Variants in ASAP1 observed in about 807,000 individuals in gnomAD.
ASAP1 encodes arf-GAP with SH3 domain, ANK repeat and PH domain-containing protein 1.
A neutral mutation model predicts 145.2 loss-of-function variants in ASAP1; 43 were observed. That is an observed-to-expected ratio of 0.30 (90% confidence interval 0.23 to 0.38). ASAP1 has a LOEUF of 0.38. ASAP1 is among the 10% of genes least tolerant of loss of function. The pLI is 1.00. For missense variants in ASAP1, 1,018 were observed against 1,355.3 expected, an observed-to-expected ratio of 0.75 and a Z score of 3.91; for synonymous variants, 546 against 515.5, an observed-to-expected ratio of 1.06 and a Z score of -0.80.
intron 25 of ASAP1, among the ~76,000 whole-genome samples, chr8:130,090,529 C>G (rs1265883678): frequency 3.3e-5 from 5 of 152,192 alleles, no homozygotes; most frequent in Non-Finnish European, 7.3e-5. Context: ...TCATTAACAC[C>G]AAACTCCAAT....
chr8:130,126,603 T>A (rs777657613), intron 16 of ASAP1, among the ~76,000 whole-genome samples: 2 of 152,158 alleles, frequency 1.3e-5, no homozygotes, highest in African/African-American at 2.4e-5. Context: ...CAACCTCCAA[T>A]GGCCCTAGAA....
intron 4 of ASAP1, among the ~76,000 whole-genome samples, chr8:130,232,605 G>C (rs987884421): frequency 6.6e-6 from 1 of 151,188 alleles, no homozygotes; most frequent in African/African-American, 2.4e-5. Flanking sequence ...CAAAGGGCTT[G>C]CATGGAGACA....
chr8:130,179,228 T>C (rs748242897), intron 9 of ASAP1, 36 bp downstream of exon 9: 20 of 1,315,262 alleles, frequency 1.5e-5, no homozygotes, highest in Admixed American at 3.5e-5. Flanking sequence ...GGGGCAGTAA[T>C]TGGGCTAATA....
intron 2 of ASAP1, among the ~76,000 whole-genome samples, chr8:130,378,954 T>C (rs770211006): frequency 4.6e-5 from 7 of 152,142 alleles, no homozygotes; most frequent in Non-Finnish European, 7.4e-5. Context: ...AAAAAATAGA[T>C]TTGGTCTTTG....
intron 24 of ASAP1, among the ~76,000 whole-genome samples, chr8:130,107,389 G>A (rs2097538777): frequency 6.6e-6 from 1 of 151,592 alleles, no homozygotes; most frequent in Admixed American, 6.6e-5. Flanking sequence ...GTTTTACCAT[G>A]TTAGCCAGGA....
intron 23 of ASAP1, 131 bp downstream of exon 23, chr8:130,115,497 A>C (rs2097553980): frequency 1.4e-6 from 1 of 730,196 alleles, no homozygotes; most frequent in Admixed American, 2.3e-5. Flanking sequence ...AGGACTGAAC[A>C]ACATAAATGG....
At chr8:130,381,030 T>C (rs2138387255) in intron 2 of ASAP1, among the ~76,000 whole-genome samples, 1 of 152,226 alleles carries the variant, frequency 6.6e-6, no homozygotes, top group Middle Eastern at 3.4e-3. Context: ...ACTACAGGTA[T>C]GCAATACCAC....
intron 1 of ASAP1, among the ~76,000 whole-genome samples, chr8:130,435,317 G>A (rs774681393): frequency 6.6e-6 from 1 of 152,150 alleles, no homozygotes; most frequent in African/African-American, 2.4e-5. Context: ...GTCAGCATGC[G>A]TATTCTTCAA....
intron 24 of ASAP1, among the ~76,000 whole-genome samples, chr8:130,106,371 A>C (rs1348226004): frequency 6.6e-6 from 1 of 152,204 alleles, no homozygotes; most frequent in Non-Finnish European, 1.5e-5. Flanking sequence ...TGCGAGTCTG[A>C]ATCATGCAGT....
chr8:130,297,932 G>A (rs892332012), intron 3 of ASAP1, among the ~76,000 whole-genome samples: 3 of 152,154 alleles, frequency 2.0e-5, no homozygotes, highest in Non-Finnish European at 4.4e-5. Context: ...TGGCCAGAGA[G>A]GCCATTGTCT....
intron 3 of ASAP1, among the ~76,000 whole-genome samples, chr8:130,356,665 T>C (rs1384276178): frequency 6.6e-6 from 1 of 152,204 alleles, no homozygotes; most frequent in East Asian, 1.9e-4. Flanking sequence ...GAGAGAACTC[T>C]GGAAGTATGC....
chr8:130,112,356 C>G, intron 23 of ASAP1, 34 bp from the exon 24 acceptor site: 1 of 1,590,452 alleles, frequency 6.3e-7, no homozygotes, highest in Non-Finnish European at 8.6e-7. Flanking sequence ...AGATAATAAT[C>G]AAGGACCACC....
intron 2 of ASAP1, among the ~76,000 whole-genome samples, chr8:130,384,755 G>A (rs1827935037): frequency 6.6e-6 from 1 of 152,174 alleles, no homozygotes; most frequent in East Asian, 1.9e-4. Flanking sequence ...TCTGGGGAAT[G>A]TTGGGCAAGT....
intron 4 of ASAP1, among the ~76,000 whole-genome samples, chr8:130,217,143 G>A (rs1195303582): frequency 6.6e-6 from 1 of 152,128 alleles, no homozygotes; most frequent in Non-Finnish European, 1.5e-5. Flanking sequence ...TGCATACCAC[G>A]TTCTCTTGGA....
chr8:130,275,825 CCAATG>C (rs1177719592), intron 3 of ASAP1, among the ~76,000 whole-genome samples: 4 of 152,078 alleles, frequency 2.6e-5, no homozygotes, highest in Non-Finnish European at 1.5e-5. Flanking sequence ...TTGTAACTCT[CCAATG>C]GAAAAGGCAT....
chr8:130,264,735 A>C (rs918699083), intron 3 of ASAP1, among the ~76,000 whole-genome samples: 1 of 152,178 alleles, frequency 6.6e-6, no homozygotes, highest in African/African-American at 2.4e-5. Flanking sequence ...GAAAGGGTGA[A>C]TCCTTCCCTT....
intron 1 of ASAP1, among the ~76,000 whole-genome samples, chr8:130,420,786 G>A (rs2138703808): frequency 6.6e-6 from 1 of 152,018 alleles, no homozygotes; most frequent in Non-Finnish European, 1.5e-5. Context: ...CCCACTACTT[G>A]GAAGGCTGAG....
At chr8:130,386,024 G>A (rs1827998852) in intron 2 of ASAP1, among the ~76,000 whole-genome samples, 1 of 152,168 alleles carries the variant, frequency 6.6e-6, no homozygotes, top group Admixed American at 6.5e-5. Flanking sequence ...CGTGACCCAA[G>A]ATAGACCAAC....
rs1424547139 is a variant in ASAP1 at position 130,358,430 on chromosome 8, G to C, written c.60-287C>G. On this transcript the variant is annotated intron_variant, in intron 2 of 29. Coordinates refer to ENST00000518721, the MANE Select transcript of ASAP1 (RefSeq NM_018482.4). This position sits in a 1 kb window ranked among gnomAD's most constrained non-coding sequence, Gnocchi z 4.1. The stretch of plus-strand genomic sequence containing the variant: ...CCCGCCTCCCTCTGCTCATGCCGGC[G>C]GCGGCAGCTCCTCAGCGGCGGGGGA... 6.7e-6 allele frequency among the ~76,000 whole-genome samples: 1 copy of C among 148,538 alleles called. No homozygotes were observed. Among genetic ancestry groups the C allele is most frequent in the African/African-American group, 2.4e-5 (1 of 41,042 alleles).
Sources: gnomAD v4.1 joint callset for allele counts (sites outside exome capture counted in the v4.1 genomes callset) on GRCh38, gnomAD v4.1.1 for gene constraint, Gnocchi (gnomAD v3.1) non-coding constraint, MANE v1.5 for transcripts, NCBI Gene and HGNC (gene_info 2026-07-23, HGNC 2026-07-21) for gene names.